LMLN: variants seen among roughly 807,000 people sequenced by gnomAD.
LMLN encodes the protein leishmanolysin like peptidase.
LMLN carries 70 observed loss-of-function variants against 92.3 expected under a neutral mutation model. That is an observed-to-expected ratio of 0.76 (90% CI 0.63 to 0.92). The LOEUF is 0.92. Among genes scored for constraint, LMLN ranks in the 40% least tolerant of loss-of-function variants. LMLN has a pLI of 0.00. For missense variants in LMLN, 691 were observed against 814.6 expected (o/e 0.85, Z 1.85); for synonymous variants, 308 against 296.2 (o/e 1.04, Z -0.41).
At chr3:197,977,968 T>TCA in intron 5 of LMLN, among the ~76,000 whole-genome samples, 1 of 151,886 alleles carries the variant, frequency 6.6e-6, no homozygotes, top group Middle Eastern at 3.2e-3. Context: ...CATATAAAAA[T>TCA]TATCAAACAA....
chr3:197,960,464 G>A (rs1466123678), intron 1 of LMLN, 24 bp downstream of exon 1: 1 of 1,604,404 alleles, frequency 6.2e-7, no homozygotes, highest in Admixed American at 1.7e-5. Flanking sequence ...GGCGGGAGCG[G>A]GCCCTCTCAG....
At chr3:198,006,824 T>C (rs935831083) in intron 11 of LMLN, among the ~76,000 whole-genome samples, 1 of 152,164 alleles carries the variant, frequency 6.6e-6, no homozygotes, top group Non-Finnish European at 1.5e-5. Flanking sequence ...GCAATTCTTT[T>C]GCCTCAGCCT....
intron 1 of LMLN, among the ~76,000 whole-genome samples, chr3:197,967,735 C>T (rs1214445213): frequency 6.6e-6 from 1 of 152,196 alleles, no homozygotes; most frequent in African/African-American, 2.4e-5. Context: ...CCTGAGGGTA[C>T]TGCAGGAGAC....
intron 14 of LMLN, among the ~76,000 whole-genome samples, chr3:198,030,438 GT>G (rs534371294): frequency 6.6e-6 from 1 of 152,088 alleles, no homozygotes; most frequent in Non-Finnish European, 1.5e-5. Context: ...TTAAGACCTT[GT>G]TTTTTTGCAA....
At chr3:198,034,916 C>T (rs1723170410) in intron 14 of LMLN, among the ~76,000 whole-genome samples, 1 of 152,096 alleles carries the variant, frequency 6.6e-6, no homozygotes, top group South Asian at 2.1e-4. Context: ...GACTTATGGC[C>T]AGGTGCAGTG....
chr3:198,034,503 T>C (rs980705604), intron 14 of LMLN, among the ~76,000 whole-genome samples: 6 of 151,906 alleles, frequency 3.9e-5, no homozygotes, highest in African/African-American at 1.5e-4. Context: ...CCCAGCTACT[T>C]GGGAGGCTTA....
At chr3:198,037,984 G>A (rs996797265) in intron 15 of LMLN, among the ~76,000 whole-genome samples, 3 of 151,518 alleles carry the variant, frequency 2.0e-5, no homozygotes, top group Admixed American at 6.6e-5. Flanking sequence ...CTCACAGTCC[G>A]TCTGCCTATT....
chr3:197,965,777 G>C (rs887780463), intron 1 of LMLN, among the ~76,000 whole-genome samples: 13 of 152,066 alleles, frequency 8.5e-5, no homozygotes, highest in African/African-American at 3.1e-4. Flanking sequence ...AGTTGGGTGT[G>C]GTGTTGTACA....
intron 8 of LMLN, among the ~76,000 whole-genome samples, chr3:197,988,572 C>T (rs1414126029): frequency 6.9e-6 from 1 of 145,686 alleles, no homozygotes; most frequent in East Asian, 2.1e-4. Flanking sequence ...CGGCTTACTG[C>T]AGTGTTGATC....
intron 9 of LMLN, among the ~76,000 whole-genome samples, chr3:197,995,910 T>C (rs188324849): frequency 6.6e-6 from 1 of 152,180 alleles, no homozygotes; most frequent in African/African-American, 2.4e-5. Context: ...CATCCTAGTC[T>C]ATAACATTTT....
At chr3:198,020,768 A>AC (rs1722756421) in intron 12 of LMLN, among the ~76,000 whole-genome samples, 1 of 32,860 alleles carries the variant, frequency 3.0e-5, no homozygotes, top group Non-Finnish European at 5.4e-5. Flanking sequence ...TAATTTTTGT[A>AC]TTTTTTTTTT....
intron 11 of LMLN, among the ~76,000 whole-genome samples, chr3:198,007,695 A>G (rs192472533): frequency 1.6e-4 from 24 of 152,278 alleles, no homozygotes; most frequent in African/African-American, 4.6e-4. Context: ...ACGTTTTACA[A>G]TTATCTCGTC....
In LMLN at chr3:198,019,314, A is replaced by T. The variant is rs777673404; in HGVS notation, c.1294A>T (p.Arg432Ter). The T allele has an allele frequency of 1.2e-6, 2 of 1,614,064 alleles. No individual in the cohort carries two copies. The highest frequency in any genetic ancestry group is 2.7e-5 in the African/African-American group (2 of 74,930). The change falls in exon 12 of 16, where the codon AGA becomes TGA. Residue 432 changes from arginine to a stop codon, truncating the protein, a stop_gained. Transcript: ENST00000330198. LOFTEE classifies it high-confidence loss of function. The surrounding 1 kb of genome is among the most constrained non-coding windows in gnomAD (Gnocchi z 5.5). ...AAGTAACCCACTGCAGCTAACTTGC[A>T]GACAGGACCAGAGAGCAGTTGCCGT...
Position 198,019,164 on chromosome 3 carries a change from A to G in LMLN, c.1233-89A>G, listed in dbSNP as rs1722716342. 6 of 1,304,668 alleles carry G rather than the reference A, an allele frequency of 4.6e-6. No individual in the cohort carries two copies. The East Asian group carries it at 1.5e-4, about 32-fold the overall frequency. The allele number at this position is 1,304,668 out of a possible 1,614,324, so 80.8% of individuals were successfully genotyped here. A position where few individuals can be genotyped will look rare whatever the true frequency, so the allele number is the denominator to read the frequency against. On this transcript the variant is annotated intron_variant, in intron 11 of 15. Transcript: ENST00000330198. This position sits in a 1 kb window ranked among gnomAD's most constrained non-coding sequence, Gnocchi z 5.5. Reference sequence around the variant, plus strand: ...TTATGAAGGTTTGTATTTTTAGGCCAGGATCTGGAATTCCATTTGTTGGCT... The same window carrying G: ...TTATGAAGGTTTGTATTTTTAGGCCGGGATCTGGAATTCCATTTGTTGGCT...
chr3:198,035,370 T>TTG (rs1175506534), intron 14 of LMLN, among the ~76,000 whole-genome samples: 2 of 147,498 alleles, frequency 1.4e-5, no homozygotes, highest in African/African-American at 5.1e-5. Flanking sequence ...GGTTTTTTTT[T>TTG]TTTTTTTTTT....
Position 197,996,356 on chromosome 3 carries a change from G to A in LMLN, c.1155+74G>A. The A allele has an allele frequency of 3.0e-6, 3 of 1,007,400 alleles. No individual in the cohort carries two copies. In the South Asian group the frequency reaches 5.0e-5, roughly 17 times the overall value. 62.4% of individuals were successfully genotyped at this position (1,007,400 alleles called of 1,614,324 possible). A position where few individuals can be genotyped will look rare whatever the true frequency, so the allele number is the denominator to read the frequency against. The stretch of plus-strand genomic sequence containing the variant: ...CATAATTATGGTAAAACTTATTCAA[G>A]CAGGTTATAAACTGAAAAATGTTTA... On this transcript the variant is annotated intron_variant, in intron 10 of 15. Coordinates refer to ENST00000330198, the Ensembl canonical transcript of LMLN.
chr3:197,981,642 A>G (rs1721560338), intron 6 of LMLN, among the ~76,000 whole-genome samples: 1 of 152,216 alleles, frequency 6.6e-6, no homozygotes, highest in Non-Finnish European at 1.5e-5. Context: ...TTTGAAATGA[A>G]AAGTTATATA....
At chr3:198,043,648 ATATT>A (rs1723474005) in exon 16 of LMLN, 3 of 152,612 alleles carry the variant, frequency 2.0e-5, no homozygotes, top group Non-Finnish European at 4.4e-5. Context: ...TTAAGAACTA[ATATT>A]TATGGTATTG....
chr3:198,016,200 A>C (rs970000248), intron 11 of LMLN, among the ~76,000 whole-genome samples: 21 of 139,140 alleles, frequency 1.5e-4, no homozygotes, highest in African/African-American at 3.6e-4. Context: ...AAAACAAAAA[A>C]AAAAAAAAAA....
Sources: allele counts gnomAD v4.1 joint callset (sites outside exome capture counted in the v4.1 genomes callset), GRCh38; gene constraint gnomAD v4.1.1; non-coding constraint Gnocchi (gnomAD v3.1); transcripts MANE v1.5; gene names NCBI Gene and HGNC (gene_info 2026-07-23, HGNC 2026-07-21).